The following ATP2B1 variants were observed in gnomAD, a reference collection of about 807,000 sequenced individuals.
ATP2B1 encodes plasma membrane calcium-transporting ATPase 1.
Under a neutral mutation model 124.2 loss-of-function variants are expected in ATP2B1, and 14 were observed. The observed-to-expected ratio is 0.11, with a 90% CI of 0.07 to 0.18. ATP2B1 has a LOEUF of 0.18. Ranked by LOEUF, ATP2B1 falls within the 10% of genes least tolerant of loss-of-function variation. ATP2B1 has a pLI of 1.00. For missense variants in ATP2B1, 763 were observed against 1,466.1 expected (o/e 0.52, Z 7.83); for synonymous variants, 449 against 492.4 (o/e 0.91, Z 1.17).
chr12:89,700,429 A>C (rs1891705529), intron 1 of ATP2B1, among the ~76,000 whole-genome samples: 1 of 152,126 alleles, frequency 6.6e-6, no homozygotes, highest in Admixed American at 6.5e-5. Flanking sequence ...TTCATGAGTC[A>C]TTTTTTAAGC....
intron 19 of ATP2B1, 84 bp from the exon 20 acceptor site, chr12:89,599,383 G>T (rs1453394378): frequency 7.1e-7 from 1 of 1,404,964 alleles, no homozygotes; most frequent in East Asian, 2.3e-5. Context: ...GGTATTAAAA[G>T]TGGTGAGAGT....
Position 89,603,276 on chromosome 12 carries a change from A to G in ATP2B1, c.2849-22T>C, listed in dbSNP as rs370788275. On this transcript the variant is annotated intron_variant, in intron 17 of 20. Transcript: ENST00000428670. The surrounding 1 kb of genome is among the most constrained non-coding windows in gnomAD (Gnocchi z 4.3). ...TCTCCTGAAAGAATGAAAAATGACT[A>G]TTTTGTAATTATCATACCAAATTAG... 11 of 1,539,982 alleles carry G rather than the reference A, an allele frequency of 7.1e-6. No individual in the cohort carries two copies. The African/African-American group carries it at 8.3e-5, about 12-fold the overall frequency.
intron 1 of ATP2B1, among the ~76,000 whole-genome samples, chr12:89,674,402 T>C (rs1488905131): frequency 6.8e-6 from 1 of 146,122 alleles, no homozygotes; most frequent in Non-Finnish European, 1.5e-5. Context: ...GATGGGTAAA[T>C]GGGAAATGTC....
intron 1 of ATP2B1, among the ~76,000 whole-genome samples, chr12:89,691,784 C>T (rs1245316119): frequency 6.6e-6 from 1 of 152,058 alleles, no homozygotes; most frequent in Non-Finnish European, 1.5e-5. Context: ...CAGGAAAGTC[C>T]ACCCCTTTTT....
chr12:89,687,046 T>C (rs1328373512), intron 1 of ATP2B1, among the ~76,000 whole-genome samples: 1 of 152,068 alleles, frequency 6.6e-6, no homozygotes, highest in African/African-American at 2.4e-5. Flanking sequence ...TTTACAGACA[T>C]GTTTTTCTTG....
chr12:89,673,579 T>C (rs1042236667), intron 1 of ATP2B1, among the ~76,000 whole-genome samples: 2 of 152,188 alleles, frequency 1.3e-5, no homozygotes, highest in African/African-American at 2.4e-5. Flanking sequence ...CTATCAACAC[T>C]GTGAGGGTGC....
intron 19 of ATP2B1, among the ~76,000 whole-genome samples, chr12:89,600,451 T>C (rs1266441110): frequency 6.6e-6 from 1 of 152,224 alleles, no homozygotes; most frequent in Non-Finnish European, 1.5e-5. Context: ...GTAAGCTGCC[T>C]ATAGTAAATA....
At chr12:89,621,477 T>C in intron 10 of ATP2B1, 72 bp downstream of exon 10, 1 of 1,215,758 alleles carries the variant, frequency 8.2e-7, no homozygotes. Flanking sequence ...AATGGTGGTC[T>C]GAAGACTTAC....
chr12:89,619,632 AAAAG>A (rs1446007700), intron 11 of ATP2B1, among the ~76,000 whole-genome samples: 13 of 151,300 alleles, frequency 8.6e-5, no homozygotes, highest in African/African-American at 2.7e-4. Flanking sequence ...AAAAAAAAAA[AAAAG>A]AAAGAAAGAA....
intron 14 of ATP2B1, 57 bp from the exon 15 acceptor site, chr12:89,610,100 C>A: frequency 6.9e-7 from 1 of 1,455,840 alleles, no homozygotes; most frequent in South Asian, 1.2e-5. Context: ...TAAGATGATT[C>A]TGAAGAATAT....
intron 1 of ATP2B1, among the ~76,000 whole-genome samples, chr12:89,679,676 G>A (rs761923251): frequency 5.3e-5 from 8 of 152,088 alleles, no homozygotes; most frequent in Non-Finnish European, 1.2e-4. Flanking sequence ...GCAAATCTGA[G>A]GGTACATCGT....
intron 1 of ATP2B1, among the ~76,000 whole-genome samples, chr12:89,699,239 T>C (rs988368954): frequency 2.0e-5 from 3 of 152,214 alleles, no homozygotes; most frequent in Admixed American, 6.5e-5. Flanking sequence ...TTCTCCCTTG[T>C]GGATTTATGG....
intron 1 of ATP2B1, among the ~76,000 whole-genome samples, chr12:89,664,456 T>C (rs1005727659): frequency 2.0e-5 from 3 of 152,244 alleles, no homozygotes; most frequent in African/African-American, 7.2e-5. Flanking sequence ...CAAACATTTA[T>C]GATAGCTGTC....
intron 20 of ATP2B1, 77 bp from the exon 21 acceptor site, chr12:89,591,372 TC>T: frequency 7.8e-7 from 1 of 1,276,074 alleles, no homozygotes; most frequent in Non-Finnish European, 1.1e-6. Flanking sequence ...TGAGTTTGAA[TC>T]CACAAACAGC....
Position 89,589,660 on chromosome 12 carries a change from G to A in ATP2B1, c.*1324C>T, listed in dbSNP as rs1055517754. Reference sequence around the variant, plus strand: ...TTAATCTGATTCTATTAGATTACCAGCAAGGAATTAAAGCGGTACTTCATG... The same window carrying A: ...TTAATCTGATTCTATTAGATTACCAACAAGGAATTAAAGCGGTACTTCATG... On this transcript the variant is annotated 3_prime_UTR_variant, in exon 21 of 21. Coordinates refer to ENST00000428670, the MANE Select transcript of ATP2B1 (RefSeq NM_001366521.1). The A allele has an allele frequency of 3.3e-5, 5 of 152,008 alleles. No individual in the cohort carries two copies. The highest frequency in any genetic ancestry group is 2.9e-5 in the Non-Finnish European group (2 of 67,986). 9.4% of individuals were successfully genotyped at this position (152,008 alleles called of 1,614,324 possible). A position where few individuals can be genotyped will look rare whatever the true frequency, so the allele number is the denominator to read the frequency against.
intron 1 of ATP2B1, among the ~76,000 whole-genome samples, chr12:89,660,893 GA>G (rs1220398065): frequency 6.6e-6 from 1 of 152,158 alleles, no homozygotes; most frequent in African/African-American, 2.4e-5. Flanking sequence ...ATCAGTATAT[GA>G]TTTGATATAC....
At chr12:89,617,106 A>T in intron 11 of ATP2B1, 67 bp from the exon 12 acceptor site, 1 of 1,216,594 alleles carries the variant, frequency 8.2e-7, no homozygotes, top group East Asian at 2.4e-5. Flanking sequence ...CATTTAAGTG[A>T]ACTGGCAGGC....
In ATP2B1 at chr12:89,629,688, AAAC is replaced by A. The variant is rs1881541434; in HGVS notation, c.928+814_928+816del. Among the ~76,000 whole-genome samples the A allele has an allele frequency of 2.0e-5, 3 of 152,242 alleles. No homozygotes were observed. The South Asian group carries it at 6.2e-4, about 31-fold the overall frequency. On this transcript the variant is annotated intron_variant, in intron 6 of 20. Coordinates refer to ENST00000428670, the MANE Select transcript of ATP2B1 (RefSeq NM_001366521.1). Reference sequence around the variant, plus strand: ...GAATGTTTCAAAATATTCATGTGAGAAACAACAATATGGGTTTACTATCCTAAA... The same window carrying A: ...GAATGTTTCAAAATATTCATGTGAGAAACAATATGGGTTTACTATCCTAAA...
chr12:89,687,789 C>A (rs1291701068), intron 1 of ATP2B1, among the ~76,000 whole-genome samples: 4 of 152,012 alleles, frequency 2.6e-5, no homozygotes, highest in Non-Finnish European at 2.9e-5. Context: ...ATAATATTTA[C>A]TTTTTAAACG....
Sources: gnomAD v4.1 joint callset for allele counts (sites outside exome capture counted in the v4.1 genomes callset) on GRCh38, gnomAD v4.1.1 for gene constraint, Gnocchi (gnomAD v3.1) non-coding constraint, MANE v1.5 for transcripts, NCBI Gene and HGNC (gene_info 2026-07-23, HGNC 2026-07-21) for gene names.